RIMS2: variants seen among roughly 807,000 people sequenced by gnomAD.
The protein encoded by RIMS2 is regulating synaptic membrane exocytosis 2.
Under a neutral mutation model 174.4 loss-of-function variants are expected in RIMS2, and 59 were observed. That is an observed-to-expected ratio of 0.34 (90% CI 0.27 to 0.42). RIMS2 has a LOEUF of 0.42. Among genes scored for constraint, RIMS2 ranks in the 10% least tolerant of loss-of-function variants. RIMS2 has a pLI of 1.00. For missense variants in RIMS2, 1,620 were observed against 1,666.3 expected, an observed-to-expected ratio of 0.97 and a Z score of 0.48; for synonymous variants, 606 against 572.5, an observed-to-expected ratio of 1.06 and a Z score of -0.84.
At chr8:103,794,551 G>A (rs1020446216) in intron 3 of RIMS2, among the ~76,000 whole-genome samples, 30 of 152,132 alleles carry the variant, frequency 2.0e-4, no homozygotes, top group Admixed American at 7.2e-4. Context: ...AAACACCAAT[G>A]GCAATGGCAA....
In RIMS2 at chr8:103,974,881, A is replaced by G. The variant is rs558907900; in HGVS notation, c.2771-469A>G. ...AAAAGCAAAAGCCGTTTACACATCT[A>G]CTACAAAAGGTATTCAGCATGTTTT... On this transcript the variant is annotated intron_variant, in intron 15 of 23. Transcript: ENST00000504942. 7.0e-4 allele frequency among the ~76,000 whole-genome samples: 107 copies of G among 152,286 alleles called. 1 individual carries two copies. The highest frequency in any genetic ancestry group is 1.5e-3 in the Non-Finnish European group (100 of 68,022).
intron 1 of RIMS2, among the ~76,000 whole-genome samples, chr8:103,638,379 C>T (rs2096140393): frequency 6.6e-6 from 1 of 152,078 alleles, no homozygotes; most frequent in South Asian, 2.1e-4. Context: ...TACTGTGATG[C>T]TCTAATGATG....
intron 15 of RIMS2, among the ~76,000 whole-genome samples, chr8:103,973,527 A>C (rs1205712033): frequency 2.0e-5 from 3 of 152,188 alleles, no homozygotes; most frequent in Admixed American, 2.0e-4. Flanking sequence ...TAGGAGTCTA[A>C]AATAAAATGA....
At chr8:104,044,059 G>A (rs537780816) in intron 19 of RIMS2, among the ~76,000 whole-genome samples, 4 of 151,616 alleles carry the variant, frequency 2.6e-5, no homozygotes, top group South Asian at 2.1e-4. Context: ...ATTTTGAGCG[G>A]CTTCCCCTCA....
intron 1 of RIMS2, among the ~76,000 whole-genome samples, chr8:103,637,122 G>A (rs9656854): frequency 0.016 from 2,475 of 152,142 alleles, 57 homozygotes; most frequent in African/African-American, 0.054. Context: ...TCTGGCTTAC[G>A]GGCATAAAGT....
intron 1 of RIMS2, among the ~76,000 whole-genome samples, chr8:103,596,852 AGTT>A (rs1485825640): frequency 2.0e-5 from 3 of 152,110 alleles, no homozygotes; most frequent in African/African-American, 7.2e-5. Flanking sequence ...TTTGCCAAGT[AGTT>A]GTTATTTTGT....
At chr8:103,641,636 G>A (rs1313810113) in intron 1 of RIMS2, among the ~76,000 whole-genome samples, 5 of 152,040 alleles carry the variant, frequency 3.3e-5, no homozygotes, top group Non-Finnish European at 5.9e-5. Context: ...GAGGTGTTTA[G>A]GTCATGGAGG....
chr8:103,513,841 A>G (rs962855432), intron 1 of RIMS2, among the ~76,000 whole-genome samples: 1 of 152,120 alleles, frequency 6.6e-6, no homozygotes, highest in Non-Finnish European at 1.5e-5. Context: ...TGAAAATTAG[A>G]TTTTGCTACT....
chr8:104,040,991 A>G (rs1470831863), intron 19 of RIMS2, among the ~76,000 whole-genome samples: 2 of 151,732 alleles, frequency 1.3e-5, no homozygotes, highest in Non-Finnish European at 3.0e-5. Context: ...TGGTCATGCA[A>G]CTAACACTGT....
At chr8:103,773,408 G>A (rs2154428995) in intron 3 of RIMS2, among the ~76,000 whole-genome samples, 1 of 152,296 alleles carries the variant, frequency 6.6e-6, no homozygotes, top group South Asian at 2.1e-4. Flanking sequence ...AATGTCCTAT[G>A]TGTTTAGTTA....
chr8:103,939,564 C>A (rs764488104), intron 13 of RIMS2, among the ~76,000 whole-genome samples: 1 of 152,204 alleles, frequency 6.6e-6, no homozygotes, highest in Non-Finnish European at 1.5e-5. Context: ...TTCCACATTG[C>A]GGATAGGCGA....
intron 3 of RIMS2, among the ~76,000 whole-genome samples, chr8:103,854,407 C>T (rs767100465): frequency 4.6e-5 from 7 of 151,858 alleles, no homozygotes; most frequent in Middle Eastern, 3.2e-3. Context: ...GAATAAGAGT[C>T]GTGAGAGTGG....
chr8:104,250,602 A>C (rs1483042899), intron 22 of RIMS2, among the ~76,000 whole-genome samples: 1 of 88,320 alleles, frequency 1.1e-5, no homozygotes. Context: ...TGTTATACCC[A>C]CACCACCACC....
intron 3 of RIMS2, among the ~76,000 whole-genome samples, chr8:103,862,677 T>A (rs2099065022): frequency 6.6e-6 from 1 of 152,106 alleles, no homozygotes; most frequent in Non-Finnish European, 1.5e-5. Context: ...CTCGTAGAGA[T>A]CTTTCACCTT....
At chr8:103,815,418 T>C (rs2098712618) in intron 3 of RIMS2, among the ~76,000 whole-genome samples, 2 of 152,210 alleles carry the variant, frequency 1.3e-5, no homozygotes, top group African/African-American at 4.8e-5. Flanking sequence ...TTGCCTTTGC[T>C]TCCAAAAGTT....
intron 2 of RIMS2, among the ~76,000 whole-genome samples, chr8:103,755,513 C>T (rs1350598556): frequency 6.6e-6 from 1 of 152,178 alleles, no homozygotes; most frequent in Non-Finnish European, 1.5e-5. Context: ...GGATAATATC[C>T]TGAAGAGTGT....
At chr8:103,676,543 A>C (rs112925225) in intron 1 of RIMS2, among the ~76,000 whole-genome samples, 1 of 151,498 alleles carries the variant, frequency 6.6e-6, no homozygotes, top group Non-Finnish European at 1.5e-5. Flanking sequence ...TCTTCTTCTC[A>C]GTTAGTTGCT....
intron 19 of RIMS2, among the ~76,000 whole-genome samples, chr8:104,104,815 G>A (rs541171437): frequency 1.3e-5 from 2 of 151,868 alleles, no homozygotes; most frequent in East Asian, 1.9e-4. Context: ...GTGAGGCAAA[G>A]GCTGCAGTGA....
chr8:103,599,855 G>C (rs1027175489), intron 1 of RIMS2, among the ~76,000 whole-genome samples: 2 of 152,014 alleles, frequency 1.3e-5, no homozygotes, highest in Non-Finnish European at 2.9e-5. Flanking sequence ...TGGAAAATAG[G>C]TATCTGTTCC....
Sources: allele counts gnomAD v4.1 joint callset (sites outside exome capture counted in the v4.1 genomes callset), GRCh38; gene constraint gnomAD v4.1.1; transcripts MANE v1.5; gene names NCBI Gene and HGNC (gene_info 2026-07-23, HGNC 2026-07-21).